NF1: variants seen among roughly 807,000 people sequenced by gnomAD.
NF1 encodes the protein neurofibromin 1.
In NF1, 122 loss-of-function variants were observed where a neutral mutation model predicts 325.7. The observed-to-expected ratio is 0.37, with a 90% CI of 0.32 to 0.44. NF1 has a LOEUF of 0.44. NF1 is among the 20% of genes least tolerant of loss of function. NF1 has a pLI of 1.00. For synonymous variants in NF1, 1,091 were observed against 1,186.0 expected (o/e 0.92, Z 1.65); for missense variants, 2,140 against 3,415.4 (o/e 0.63, Z 9.31).
At chr17:31,248,222 A>G (rs1168932016) in intron 29 of NF1, among the ~76,000 whole-genome samples, 1 of 141,980 alleles carries the variant, frequency 7.0e-6, no homozygotes, top group Non-Finnish European at 1.5e-5. Flanking sequence ...CCCCCCACCA[A>G]AAAAAAAAAA....
At chr17:31,355,392 C>T (rs565489236) in intron 51 of NF1, among the ~76,000 whole-genome samples, 44 of 152,038 alleles carry the variant, frequency 2.9e-4, no homozygotes, top group Middle Eastern at 3.4e-3. Flanking sequence ...GTGCATGAAA[C>T]GAAGAAGCCG....
At chr17:31,304,290 C>T in intron 36 of NF1, 1 of 1,611,970 alleles carries the variant, frequency 6.2e-7, no homozygotes, top group Non-Finnish European at 8.5e-7. Flanking sequence ...GTGGAGGTGG[C>T]AGGGATTCAT....
At chr17:31,117,289 C>A (rs1006513489) in intron 1 of NF1, among the ~76,000 whole-genome samples, 1 of 151,970 alleles carries the variant, frequency 6.6e-6, no homozygotes, top group Non-Finnish European at 1.5e-5. Flanking sequence ...CCTCCAAAAC[C>A]GTTTTTATTA....
At chr17:31,159,554 C>A (rs2065726822) in intron 3 of NF1, among the ~76,000 whole-genome samples, 1 of 152,116 alleles carries the variant, frequency 6.6e-6, no homozygotes, top group African/African-American at 2.4e-5. Context: ...ACCTTGAGAA[C>A]ACTTGTTTTA....
At chr17:31,170,099 C>T (rs908910038) in intron 5 of NF1, 102 bp downstream of exon 5, 2 of 744,994 alleles carry the variant, frequency 2.7e-6, no homozygotes, top group Non-Finnish European at 2.3e-6. Flanking sequence ...GAACACCAAA[C>T]TGGATTTTAT....
rs143575018 is a variant in NF1, at chr17:31,114,502, C to T, written c.60+19133C>T. Reference sequence around the variant, plus strand: ...GCAGTGAGCTGAGATCACACCACTGCACTCCAGCCTGGGTGACAGAGTGAG... The same window carrying T: ...GCAGTGAGCTGAGATCACACCACTGTACTCCAGCCTGGGTGACAGAGTGAG... On this transcript the variant is annotated intron_variant, in intron 1 of 57. Transcript: ENST00000358273. Among the ~76,000 whole-genome samples, 16 of 151,124 alleles carry T rather than the reference C, an allele frequency of 1.1e-4. No individual in the cohort carries two copies. In the East Asian group the frequency reaches 2.9e-3, roughly 27 times the overall value.
At chr17:31,350,698 G>A (rs2070118983) in intron 50 of NF1, among the ~76,000 whole-genome samples, 1 of 152,050 alleles carries the variant, frequency 6.6e-6, no homozygotes, top group Non-Finnish European at 1.5e-5. Flanking sequence ...TAAAAATACA[G>A]GCATGCTAAC....
intron 1 of NF1, among the ~76,000 whole-genome samples, chr17:31,110,893 AAAAAAC>A (rs1040787740): frequency 9.9e-5 from 15 of 152,040 alleles, no homozygotes; most frequent in Non-Finnish European, 2.1e-4. Flanking sequence ...TACTGTTCTT[AAAAAAC>A]AAAAACAAAA....
intron 5 of NF1, among the ~76,000 whole-genome samples, chr17:31,173,025 T>C (rs1459834916): frequency 6.6e-6 from 1 of 152,096 alleles, no homozygotes; most frequent in Non-Finnish European, 1.5e-5. Flanking sequence ...CTCACACCTG[T>C]AATCCCAGCA....
chr17:31,325,648 A>C (rs1332219429), intron 36 of NF1, among the ~76,000 whole-genome samples, 172 bp from the exon 37 acceptor site: 1 of 152,136 alleles, frequency 6.6e-6, no homozygotes, highest in East Asian at 1.9e-4. Flanking sequence ...TCTTAGCCTT[A>C]TTTCTCAGTG....
At chr17:31,276,398 C>T (rs1005405683) in intron 36 of NF1, among the ~76,000 whole-genome samples, 5 of 152,084 alleles carry the variant, frequency 3.3e-5, no homozygotes, top group African/African-American at 1.2e-4. Flanking sequence ...ACTTTCATCT[C>T]TACTTTCCTG....
intron 35 of NF1, 124 bp downstream of exon 35, chr17:31,261,981 C>A: frequency 1.1e-6 from 1 of 911,654 alleles, no homozygotes; most frequent in Non-Finnish European, 1.7e-6. Flanking sequence ...AATCACATTG[C>A]CATGTTTGGG....
intron 1 of NF1, among the ~76,000 whole-genome samples, chr17:31,119,727 G>A (rs1914268286): frequency 6.6e-6 from 1 of 152,012 alleles, no homozygotes; most frequent in Non-Finnish European, 1.5e-5. Context: ...TTCTTCTAGG[G>A]TTTTTATGGT....
chr17:31,294,682 A>T, intron 36 of NF1: 1 of 345,066 alleles, frequency 2.9e-6, no homozygotes, highest in Non-Finnish European at 5.5e-6. Context: ...CAGATGTTTG[A>T]CAGTGTAAAC....
At chr17:31,372,415 TATA>T (rs1472301873) in intron 57 of NF1, among the ~76,000 whole-genome samples, 3 of 133,204 alleles carry the variant, frequency 2.3e-5, no homozygotes, top group Non-Finnish European at 4.6e-5. Context: ...CAGCAGTAAG[TATA>T]ATCAGTCTAA....
At chr17:31,342,467 GT>G (rs2069849564) in intron 47 of NF1, among the ~76,000 whole-genome samples, 1 of 152,154 alleles carries the variant, frequency 6.6e-6, no homozygotes. Context: ...GGTGGCACAT[GT>G]TTGTAACTCC....
chr17:31,213,347 T>C (rs2066762085), intron 12 of NF1, among the ~76,000 whole-genome samples: 1 of 152,308 alleles, frequency 6.6e-6, no homozygotes, highest in African/African-American at 2.4e-5. Context: ...ATAGCTATTC[T>C]TCCCCGCAAG....
At chr17:31,307,985 T>C (rs1326851061) in intron 36 of NF1, 1 of 1,194,678 alleles carries the variant, frequency 8.4e-7, no homozygotes, top group Admixed American at 2.4e-5. Flanking sequence ...AAAAGATATG[T>C]GATTTTTTTC....
At chr17:31,203,318 A>G (rs879849911) in intron 11 of NF1, among the ~76,000 whole-genome samples, 10 of 152,254 alleles carry the variant, frequency 6.6e-5, no homozygotes, top group Non-Finnish European at 1.2e-4. Context: ...TTATAAAGAA[A>G]AAAACTACAT....
Sources: allele counts gnomAD v4.1 joint callset (sites outside exome capture counted in the v4.1 genomes callset), GRCh38; gene constraint gnomAD v4.1.1; transcripts MANE v1.5; gene names NCBI Gene and HGNC (gene_info 2026-07-23, HGNC 2026-07-21).